XNDC1N: variants seen among roughly 807,000 people sequenced by gnomAD.
XNDC1N encodes the protein XRCC1 N-terminal domain containing 1, N-terminal like.
the XNDC1N span, among the ~76,000 whole-genome samples, chr11:71,867,467 A>G: frequency 2.0e-5 from 3 of 151,916 alleles, no homozygotes; most frequent in Non-Finnish European, 4.4e-5. Context: ...GGCCATGAAC[A>G]CAGAAACACC....
chr11:71,904,567 C>A, the XNDC1N span, among the ~76,000 whole-genome samples: 50 of 152,240 alleles, frequency 3.3e-4, no homozygotes, highest in African/African-American at 1.0e-3. Flanking sequence ...AGTGTGTACA[C>A]CCCTGTGACA....
At chr11:71,894,984 A>T in the XNDC1N span, among the ~76,000 whole-genome samples, 1 of 152,196 alleles carries the variant, frequency 6.6e-6, no homozygotes. Context: ...TAGGCAGGTT[A>T]TGTAGAGAGA....
chr11:71,906,320 G>C, the XNDC1N span, among the ~76,000 whole-genome samples: 1 of 151,918 alleles, frequency 6.6e-6, no homozygotes, highest in African/African-American at 2.4e-5. Context: ...ACACCCCTGT[G>C]ACATTAGGAG....
the XNDC1N span, among the ~76,000 whole-genome samples, chr11:71,920,149 C>T: frequency 3.4e-5 from 5 of 146,504 alleles, no homozygotes; most frequent in African/African-American, 1.0e-4. Flanking sequence ...TTAGTAGAGA[C>T]GGGGTTTCAC....
chr11:71,873,767 G>A, the XNDC1N span, among the ~76,000 whole-genome samples: 1 of 152,186 alleles, frequency 6.6e-6, no homozygotes, highest in African/African-American at 2.4e-5. Flanking sequence ...ACCAAATCAG[G>A]TAGGACATTG....
At chr11:71,875,746 G>A in the XNDC1N span, among the ~76,000 whole-genome samples, 8 of 125,692 alleles carry the variant, frequency 6.4e-5, no homozygotes, top group African/African-American at 3.0e-4. Flanking sequence ...AGCTGGCAGC[G>A]CCGGGCACGT....
the XNDC1N span, among the ~76,000 whole-genome samples, chr11:71,918,096 ATC>A: frequency 1.3e-5 from 2 of 152,178 alleles, no homozygotes; most frequent in Non-Finnish European, 2.9e-5. Flanking sequence ...GGTGCCTGAC[ATC>A]TCTCTGTCCC....
At chr11:71,916,168 AAGGACTG>A in the XNDC1N span, 1 of 703,024 alleles carries the variant, frequency 1.4e-6, no homozygotes, top group Non-Finnish European at 2.6e-6. Flanking sequence ...GGCCAGGCCA[AAGGACTG>A]ATGACGCGTG....
chr11:71,927,165 T>C, the XNDC1N span, among the ~76,000 whole-genome samples: 2 of 152,118 alleles, frequency 1.3e-5, no homozygotes, highest in East Asian at 1.9e-4. Context: ...GGAGAATTGC[T>C]TGAGCCTGGG....
chr11:71,926,908 G>GAAATGAAATA, the XNDC1N span, among the ~76,000 whole-genome samples: 35 of 149,186 alleles, frequency 2.3e-4, no homozygotes, highest in African/African-American at 8.1e-4. Flanking sequence ...CTCAAAAAAT[G>GAAATGAAATA]AAATAAAATA....
At chr11:71,896,581 G>A in the XNDC1N span, among the ~76,000 whole-genome samples, 9 of 152,044 alleles carry the variant, frequency 5.9e-5, no homozygotes, top group Non-Finnish European at 1.3e-4. Flanking sequence ...TTTTTGTTTT[G>A]AGATGGAGTT....
chr11:71,892,958 G>T, the XNDC1N span, among the ~76,000 whole-genome samples: 2 of 141,144 alleles, frequency 1.4e-5, no homozygotes, highest in Non-Finnish European at 2.9e-5. Flanking sequence ...AAACTCTTCC[G>T]ATTGAGAATT....
the XNDC1N span, among the ~76,000 whole-genome samples, chr11:71,883,746 A>G: frequency 6.6e-6 from 1 of 152,164 alleles, no homozygotes; most frequent in South Asian, 2.1e-4. Flanking sequence ...TTTAAAGGGA[A>G]TATTTATGGG....
chr11:71,881,450 C>A, the XNDC1N span, among the ~76,000 whole-genome samples: 3 of 152,108 alleles, frequency 2.0e-5, no homozygotes, highest in Non-Finnish European at 4.4e-5. Flanking sequence ...AAGATCAAGA[C>A]GTCAGCACAT....
chr11:71,899,730 TC>T, the XNDC1N span, among the ~76,000 whole-genome samples: 67 of 152,264 alleles, frequency 4.4e-4, 1 homozygote, highest in Admixed American at 4.0e-3. Flanking sequence ...CCAAGTTTTC[TC>T]CCCATGTGAT....
chr11:71,917,844 A>G, the XNDC1N span: 1 of 682,428 alleles, frequency 1.5e-6, no homozygotes, highest in Non-Finnish European at 2.7e-6. Flanking sequence ...ATACGGTGGA[A>G]GGAGGACACT....
the XNDC1N span, chr11:71,893,462 A>C: frequency 2.8e-6 from 2 of 725,554 alleles, no homozygotes; most frequent in African/African-American, 3.5e-5. Flanking sequence ...TGTCCAAGAC[A>C]CACAGAGCCA....
the XNDC1N span, among the ~76,000 whole-genome samples, chr11:71,891,890 A>G: frequency 6.6e-6 from 1 of 151,810 alleles, no homozygotes; most frequent in Non-Finnish European, 1.5e-5. Context: ...GTGTTTACAA[A>G]CAGGGGTGGT....
the XNDC1N span, among the ~76,000 whole-genome samples, chr11:71,907,408 A>G: frequency 6.7e-6 from 1 of 150,008 alleles, no homozygotes; most frequent in Non-Finnish European, 1.5e-5. Flanking sequence ...GGCTCTTAAG[A>G]CCCCCATCGC....
Sources: gnomAD v4.1 joint callset for allele counts (sites outside exome capture counted in the v4.1 genomes callset) on GRCh38, gnomAD v4.1.1 for gene constraint, MANE v1.5 for transcripts, NCBI Gene and HGNC (gene_info 2026-07-23, HGNC 2026-07-21) for gene names.